EMC2: variants seen among roughly 807,000 people sequenced by gnomAD.
EMC2 encodes the protein ER membrane protein complex subunit 2.
EMC2 carries 37 observed loss-of-function variants against 51.6 expected under a neutral mutation model. That is an observed-to-expected ratio of 0.72 (90% CI 0.55 to 0.94). EMC2 has a LOEUF of 0.94. Ranked by LOEUF, EMC2 falls within the 40% of genes least tolerant of loss-of-function variation. EMC2 has a pLI of 0.00. For synonymous variants in EMC2, 131 were observed against 112.4 expected, an observed-to-expected ratio of 1.17 and a Z score of -1.04; for missense variants, 359 against 350.9, an observed-to-expected ratio of 1.02 and a Z score of -0.18.
intron 10 of EMC2, among the ~76,000 whole-genome samples, chr8:108,480,275 A>T (rs893353727): frequency 6.6e-6 from 1 of 151,754 alleles, no homozygotes; most frequent in African/African-American, 2.4e-5. Context: ...TAAAAATATG[A>T]ATTTGATTCA....
At position 108,479,072 on chromosome 8, in the gene EMC2, G is replaced by C; in HGVS notation, c.769G>C (p.Ala257Pro). Residue 257 changes from alanine (A) to proline (P), a missense_variant, in exon 10 of 11, where the codon GCT becomes CCT. By Grantham distance (27) the Ala-to-Pro change is conservative (BLOSUM62 -1). Coordinates refer to ENST00000220853, the MANE Select transcript of EMC2 (RefSeq NM_014673.5). ...AACGAAAAAGGACAACATGAAATAT[G>C]CTAGTTGGGCAGCTAGTCAAATAAA... ...AKTKKDNMKY[A>P]SWAASQINRA... is the part of the protein sequence containing the mutation. 1 of 1,587,346 alleles carries C rather than the reference G, an allele frequency of 6.3e-7. No homozygotes were observed. Among genetic ancestry groups the C allele is most frequent in the Non-Finnish European group, 8.6e-7 (1 of 1,166,370 alleles).
At chr8:108,480,735 TG>T (rs1237803166) in intron 10 of EMC2, among the ~76,000 whole-genome samples, 1 of 152,166 alleles carries the variant, frequency 6.6e-6, no homozygotes, top group Non-Finnish European at 1.5e-5. Flanking sequence ...CTGGTGTTTC[TG>T]CCCTGTTCAG....
intron 5 of EMC2, among the ~76,000 whole-genome samples, chr8:108,468,790 A>G (rs1810791897): frequency 6.6e-6 from 1 of 152,194 alleles, no homozygotes; most frequent in Non-Finnish European, 1.5e-5. Flanking sequence ...CTGTATTTGA[A>G]GCAAACATAA....
chr8:108,470,854 A>C (rs1318523006), intron 7 of EMC2: 1 of 152,022 alleles, frequency 6.6e-6, no homozygotes, highest in Non-Finnish European at 1.5e-5. Flanking sequence ...TTTTTGACAG[A>C]ATAGAATCAG....
At chr8:108,469,601 T>C (rs374452393) in intron 5 of EMC2, among the ~76,000 whole-genome samples, 3 of 152,326 alleles carry the variant, frequency 2.0e-5, no homozygotes, top group African/African-American at 7.2e-5. Context: ...GATGAAACGA[T>C]GCATACATTG....
At chr8:108,465,347 A>G (rs1444631089) in intron 5 of EMC2, among the ~76,000 whole-genome samples, 2 of 152,190 alleles carry the variant, frequency 1.3e-5, no homozygotes, top group Admixed American at 1.3e-4. Context: ...TGATTGTTTT[A>G]GTAAACATCA....
intron 10 of EMC2, among the ~76,000 whole-genome samples, chr8:108,486,075 CTTGTAT>C (rs1176181194): frequency 1.3e-5 from 2 of 151,782 alleles, no homozygotes; most frequent in African/African-American, 4.8e-5. Context: ...AGTGAAATAA[CTTGTAT>C]TTGTATTGTA....
chr8:108,464,803 G>A (rs980412526), intron 5 of EMC2, among the ~76,000 whole-genome samples: 1 of 152,220 alleles, frequency 6.6e-6, no homozygotes, highest in Non-Finnish European at 1.5e-5. Flanking sequence ...ACAGTCAGAC[G>A]TGTTCCGTAA....
chr8:108,453,155 A>G lies in EMC2; in HGVS notation c.305+8A>G, dbSNP rs1819069593. On this transcript the variant is annotated splice_region_variant and intron_variant, in intron 4 of 10. Coordinates refer to ENST00000220853, the MANE Select transcript of EMC2 (RefSeq NM_014673.5). ...ATTTGAAGCCATGGAAAGGTAACCA[A>G]ATCTTATCAGCTGGCAGGCATGGAG... The G allele has an allele frequency of 1.3e-6, 2 of 1,554,552 alleles. No homozygotes were observed. The highest frequency in any genetic ancestry group is 8.8e-7 in the Non-Finnish European group (1 of 1,138,684).
Position 108,453,050 on chromosome 8 carries a change from T to G in EMC2, c.220-12T>G. ...AAATAATGTAATTACTACTCAACCC[T>G]TATTTTTTCAGTTTTGTCTTCAAGA... On this transcript the variant is annotated splice_polypyrimidine_tract_variant and intron_variant, in intron 3 of 10. Coordinates refer to ENST00000220853, the MANE Select transcript of EMC2 (RefSeq NM_014673.5). 1.9e-6 allele frequency: 3 copies of G among 1,557,318 alleles called. No individual in the cohort carries two copies. The highest frequency in any genetic ancestry group is 2.6e-6 in the Non-Finnish European group (3 of 1,139,572).
rs1426940043 is a variant in EMC2 at position 108,453,126 on chromosome 8, T to C, written c.284T>C (p.Met95Thr). 5 of 1,607,526 alleles carry C rather than the reference T, an allele frequency of 3.1e-6. No individual in the cohort carries two copies. The East Asian group carries it at 9.0e-5, about 29-fold the overall frequency. ...GSHRVKRLTG[M>T]RFEAMERYDD... ...CACAGAGTCAAGCGATTAACAGGCATGAGATTTGAAGCCATGGAAAGGTAA... is the reference window on the plus strand; with the variant it reads ...CACAGAGTCAAGCGATTAACAGGCACGAGATTTGAAGCCATGGAAAGGTAA... The change falls in exon 4 of 11, where the codon ATG (methionine) becomes ACG (threonine). Residue 95 changes from methionine (M) to threonine (T), a missense_variant. Transcript: ENST00000220853.
At chr8:108,465,497 G>T (rs536494643) in intron 5 of EMC2, among the ~76,000 whole-genome samples, 1 of 152,152 alleles carries the variant, frequency 6.6e-6, no homozygotes, top group African/African-American at 2.4e-5. Context: ...TTATGTATTC[G>T]ATGCTCTTTG....
intron 2 of EMC2, among the ~76,000 whole-genome samples, 180 bp downstream of exon 2, chr8:108,450,116 A>C (rs1384990434): frequency 6.6e-6 from 1 of 152,110 alleles, no homozygotes; most frequent in Non-Finnish European, 1.5e-5. Flanking sequence ...GCTTGGTAGT[A>C]GTAAGCTATC....
intron 5 of EMC2, among the ~76,000 whole-genome samples, chr8:108,459,765 T>C (rs1276428015): frequency 6.6e-6 from 1 of 151,612 alleles, no homozygotes. Flanking sequence ...ATTGTTTTGT[T>C]CTAGATAGCT....
intron 5 of EMC2, among the ~76,000 whole-genome samples, chr8:108,457,186 G>A (rs1208323594): frequency 6.6e-6 from 1 of 152,150 alleles, no homozygotes; most frequent in Non-Finnish European, 1.5e-5. Flanking sequence ...ATGTATTATA[G>A]TAGTTGGTAT....
At chr8:108,476,029 T>A in intron 8 of EMC2, 66 bp downstream of exon 8, 1 of 811,402 alleles carries the variant, frequency 1.2e-6, no homozygotes, top group Non-Finnish European at 2.0e-6. Flanking sequence ...ATTATGGAAC[T>A]AAGAATATTT....
At chr8:108,463,120 A>G (rs1678854414) in intron 5 of EMC2, among the ~76,000 whole-genome samples, 1 of 152,212 alleles carries the variant, frequency 6.6e-6, no homozygotes, top group African/African-American at 2.4e-5. Flanking sequence ...AAGAAGGTCT[A>G]CATTTGTGAA....
chr8:108,467,488 A>G (rs1310907933), intron 5 of EMC2, among the ~76,000 whole-genome samples: 2 of 152,078 alleles, frequency 1.3e-5, no homozygotes, highest in Non-Finnish European at 2.9e-5. Flanking sequence ...AGTTGGGATT[A>G]CAGGTGCACA....
chr8:108,466,195 G>A (rs1463782298), intron 5 of EMC2, among the ~76,000 whole-genome samples: 2 of 152,076 alleles, frequency 1.3e-5, no homozygotes, highest in Non-Finnish European at 2.9e-5. Flanking sequence ...TTTGATTTCA[G>A]AAATTAAGGC....
Sources: gnomAD v4.1 joint callset for allele counts (sites outside exome capture counted in the v4.1 genomes callset) on GRCh38, gnomAD v4.1.1 for gene constraint, MANE v1.5 for transcripts, NCBI Gene and HGNC (gene_info 2026-07-23, HGNC 2026-07-21) for gene names.